Variants in POLE observed in about 807,000 individuals in gnomAD.
POLE encodes DNA polymerase epsilon, catalytic subunit.
In POLE, 188 loss-of-function variants were observed where a neutral mutation model predicts 279.2. The observed-to-expected ratio is 0.67, with a 90% CI of 0.60 to 0.76. The LOEUF is 0.76. POLE is among the 30% of genes least tolerant of loss of function. The probability of loss-of-function intolerance (pLI) is 0.00; values close to 1 mark genes in which losing one functional copy is unlikely to be tolerated. For missense variants in POLE, 2,703 were observed against 3,016.7 expected (o/e 0.90, Z 2.44); for synonymous variants, 1,214 against 1,172.5 (o/e 1.04, Z -0.72).
At chr12:132,658,018 C>G (rs375696926) in intron 26 of POLE, 48 bp from the exon 27 acceptor site, 1 of 1,164,646 alleles carries the variant, frequency 8.6e-7, no homozygotes, top group Non-Finnish European at 1.3e-6. Flanking sequence ...GAAAATCACC[C>G]AAAATCTGAT....
In POLE at chr12:132,643,985, G is replaced by C. The variant is rs760355462; in HGVS notation, c.4150-8C>G. The C allele has an allele frequency of 6.2e-7, 1 of 1,610,906 alleles. No individual in the cohort carries two copies. The highest frequency in any genetic ancestry group is 8.5e-7 in the Non-Finnish European group (1 of 1,177,352). Reference sequence around the variant, plus strand: ...AGGAAGGACCCGATTTACCTGGCGAGAATACGACGATGATCTCGTCACTGG... The same window carrying C: ...AGGAAGGACCCGATTTACCTGGCGACAATACGACGATGATCTCGTCACTGG... On this transcript the variant is annotated splice_region_variant and splice_polypyrimidine_tract_variant and intron_variant, in intron 32 of 48. Coordinates refer to ENST00000320574, the MANE Select transcript of POLE (RefSeq NM_006231.4).
rs5744780 is a variant in POLE at position 132,672,553 on chromosome 12, T to A, written c.1686+74A>T. ...CAGGATGGGGAGAAGGGGCTTTATTTCAGCCCCTGCAGCTTCTGGGTCCTA... is the reference window on the plus strand; with the variant it reads ...CAGGATGGGGAGAAGGGGCTTTATTACAGCCCCTGCAGCTTCTGGGTCCTA... On this transcript the variant is annotated intron_variant, in intron 15 of 48. Transcript: ENST00000320574. 0.46 allele frequency: 671,862 copies of A among 1,461,826 alleles called. 157,632 individuals are homozygous for A. The highest frequency in any genetic ancestry group is 0.7 in the East Asian group (30,658 of 43,954). 90.6% of individuals were successfully genotyped at this position (1,461,826 alleles called of 1,614,324 possible).
At chr12:132,641,527 G>C in intron 39 of POLE, 120 bp downstream of exon 39, 2 of 802,038 alleles carry the variant, frequency 2.5e-6, no homozygotes, top group Admixed American at 4.5e-5. Flanking sequence ...GTGGTCTCTG[G>C]CTCTGCCATT....
chr12:132,624,762 C>T lies in POLE; in HGVS notation c.6796G>A (p.Gly2266Ser), dbSNP rs200911338. 21 of 1,613,842 alleles carry T rather than the reference C, an allele frequency of 1.3e-5. No individual in the cohort carries two copies. Among genetic ancestry groups the T allele is most frequent in the African/African-American group, 2.7e-5 (2 of 75,038 alleles). The change falls in exon 49 of 49, where the codon GGC becomes AGC. Residue 2266 changes from glycine (G) to serine (S), a missense_variant. Physicochemically the swap from Gly to Ser is moderately conservative, Grantham distance 56 (BLOSUM62 0). Transcript: ENST00000320574. ...GIFRNIAQHY[G>S]MSYLLETLEW... ...AGGGTCTCCAGGAGGTACGACATGC[C>T]GTAGTGCTGGGCAATGTTCCGGAAT...
At chr12:132,666,941 G>A (rs746944801) in intron 20 of POLE, among the ~76,000 whole-genome samples, 33 of 152,154 alleles carry the variant, frequency 2.2e-4, no homozygotes, top group Non-Finnish European at 3.4e-4. Flanking sequence ...CCAGGGGGCC[G>A]CACAGCAGGG....
chr12:132,634,016 T>C lies in POLE; in HGVS notation c.6004+170A>G. 1.6e-6 allele frequency: 1 copy of C among 634,084 alleles called. No homozygotes were observed. Among genetic ancestry groups the C allele is most frequent in the Non-Finnish European group, 2.8e-6 (1 of 362,368 alleles). 39.3% of individuals were successfully genotyped at this position (634,084 alleles called of 1,614,324 possible). On this transcript the variant is annotated intron_variant, in intron 43 of 48. Coordinates refer to ENST00000320574, the MANE Select transcript of POLE (RefSeq NM_006231.4). The surrounding 1 kb of genome is among the most constrained non-coding windows in gnomAD (Gnocchi z 4.0). ...TCCGGGCCCTCCAGTGGAACATGCC[T>C]GGAGCCTGGAGAGGAGGCCCCTCGG...
chr12:132,674,095 C>T (rs1019335071), intron 12 of POLE, among the ~76,000 whole-genome samples: 10 of 152,156 alleles, frequency 6.6e-5, no homozygotes, highest in African/African-American at 1.4e-4. Context: ...CCCTTCAGCA[C>T]GGAAACACTC....
At position 132,657,392 on chromosome 12, in the gene POLE, C is replaced by T. The variant is rs2138659619; in HGVS notation, c.3416G>A (p.Ser1139Asn). ...DWDYYIERLG[S>N]AIQKIITIPA... ...GATGGTGATGATCTTCTGGATGGCG[C>T]TTCCCAGCCGCTCAATGTAGTAGTC... The change falls in exon 28 of 49, where the codon AGC becomes AAC. Residue 1139 changes from serine (S) to asparagine (N), a missense_variant. Around this residue, in one of 5 missense-constraint regions of POLE, gnomAD observed 1,551 missense variants for 1,686.1 expected, o/e 0.92. Transcript: ENST00000320574. The T allele has an allele frequency of 6.2e-7, 1 of 1,614,164 alleles. No individual in the cohort carries two copies. Among genetic ancestry groups the T allele is most frequent in the Non-Finnish European group, 8.5e-7 (1 of 1,180,036 alleles).
rs747929590 is a variant in POLE at position 132,668,855 on chromosome 12, C to T, written c.1879G>A (p.Val627Met). 1 of 1,614,128 alleles carries T rather than the reference C, an allele frequency of 6.2e-7. No individual in the cohort carries two copies. The highest frequency in any genetic ancestry group is 8.5e-7 in the Non-Finnish European group (1 of 1,179,992). ...IECPLIYHLDVGAMYPNIILT... is the reference protein window; with the variant it reads ...IECPLIYHLDMGAMYPNIILT... Reference sequence around the variant, plus strand: ...ATGATGTTGGGGTACATGGCCCCCACGTCCAGGTGGTAGATGAGTGGACAC... The same window carrying T: ...ATGATGTTGGGGTACATGGCCCCCATGTCCAGGTGGTAGATGAGTGGACAC... Residue 627 changes from valine to methionine, a missense_variant, in exon 17 of 49, where the codon GTG (valine) becomes ATG (methionine). Around this residue, in one of 5 missense-constraint regions of POLE, gnomAD observed 1,011 missense variants for 1,111.7 expected, o/e 0.91. Transcript: ENST00000320574. This position sits in a 1 kb window ranked among gnomAD's most constrained non-coding sequence, Gnocchi z 4.0.
At position 132,658,881 on chromosome 12, in the gene POLE, C is replaced by CAAAAAAAAAAAAA. The variant is rs1167117347; in HGVS notation, c.3275+401_3275+413dup. Among the ~76,000 whole-genome samples the CAAAAAAAAAAAAA allele has an allele frequency of 4.9e-3, 166 of 33,834 alleles. 41 individuals are homozygous for CAAAAAAAAAAAAA. The highest frequency in any genetic ancestry group is 5.8e-3 in the African/African-American group (57 of 9,778). The allele number at this position is 33,834 out of a possible 152,430, so 22.2% of individuals were successfully genotyped here. A position where few individuals can be genotyped will look rare whatever the true frequency, so the allele number is the denominator to read the frequency against. Reference sequence around the variant, plus strand: ...ACTGGTCCTATTTGTATATAACCACCAAAAAAAAAAAAAAAAAAAAAAAAA... The same window carrying CAAAAAAAAAAAAA: ...ACTGGTCCTATTTGTATATAACCACCAAAAAAAAAAAAAAAAAAAAAAAAAAAAAAAAAAAAAA... On this transcript the variant is annotated intron_variant, in intron 26 of 48. Transcript: ENST00000320574.
intron 29 of POLE, among the ~76,000 whole-genome samples, chr12:132,656,931 C>T (rs1383672825): frequency 6.6e-6 from 1 of 152,234 alleles, no homozygotes; most frequent in Non-Finnish European, 1.5e-5. Context: ...CTTGCCCTCA[C>T]CTCAGCCTCA....
At chr12:132,637,903 A>T in intron 41 of POLE, 111 bp downstream of exon 41, 1 of 1,231,656 alleles carries the variant, frequency 8.1e-7, no homozygotes, top group Non-Finnish European at 1.2e-6. Context: ...TGAGTCCTGC[A>T]CTTCTAACGA....
At position 132,661,473 on chromosome 12, in the gene POLE, T is replaced by G. The variant is rs1361524913; in HGVS notation, c.2864+54A>C. On this transcript the variant is annotated intron_variant, in intron 24 of 48. Transcript: ENST00000320574. This position sits in a 1 kb window ranked among gnomAD's most constrained non-coding sequence, Gnocchi z 4.1. The stretch of plus-strand genomic sequence containing the variant: ...TCCAACCTCCTTTCTGGGCTAAATT[T>G]AATCTATCTCAATCCATGTCCTTTC... 4.4e-6 allele frequency: 7 copies of G among 1,577,790 alleles called. No homozygotes were observed. In the East Asian group the frequency reaches 1.6e-4, roughly 35 times the overall value.
At chr12:132,643,030 G>GC in intron 35 of POLE, 34 bp from the exon 36 acceptor site, 1 of 1,559,732 alleles carries the variant, frequency 6.4e-7, no homozygotes, top group Non-Finnish European at 8.6e-7. Flanking sequence ...GCCTCCCCCT[G>GC]CGCAGGAGGA....
rs10526281 is a variant in POLE, at chr12:132,639,952, AAAAACAAAACAAAACAAAACAAAAC to A, written c.5379-679_5379-655del. Among the ~76,000 whole-genome samples, 7 of 148,684 alleles carry A rather than the reference AAAAACAAAACAAAACAAAACAAAAC, an allele frequency of 4.7e-5. No homozygotes were observed. Among genetic ancestry groups the A allele is most frequent in the East Asian group, 2.0e-4 (1 of 4,972 alleles). On this transcript the variant is annotated intron_variant, in intron 39 of 48. Coordinates refer to ENST00000320574, the MANE Select transcript of POLE (RefSeq NM_006231.4). The surrounding 1 kb of genome is among the most constrained non-coding windows in gnomAD (Gnocchi z 4.7). ...ACAGAGTGAGACTGTCTCAAAAAAC[AAAAACAAAACAAAACAAAACAAAAC>A]AAAACAAAACAAAACAAAACATCAC...
chr12:132,629,156 C>T (rs957212109), intron 45 of POLE, among the ~76,000 whole-genome samples: 13 of 152,254 alleles, frequency 8.5e-5, no homozygotes, highest in East Asian at 3.8e-4. Flanking sequence ...TCTCCTTGTA[C>T]GTCTCCATCA....
rs753367995 is a variant in POLE, at chr12:132,665,406, C to T, written c.2364G>A (p.Ala788=). Residue 788 remains alanine (A), a synonymous_variant, in exon 21 of 49, where the codon GCG becomes GCA. Coordinates refer to ENST00000320574, the MANE Select transcript of POLE (RefSeq NM_006231.4). ...TGTTCTTGCAGCGCTTCACCTCAGC[C>T]GCGTCGCCCACCTCCACGGCCGCCG... ...KLSAAVEVGD[A]AEVKRCKNME... is the part of the protein sequence containing the mutation. 8.7e-6 allele frequency: 14 copies of T among 1,613,288 alleles called. No individual in the cohort carries two copies. Among genetic ancestry groups the T allele is most frequent in the South Asian group, 2.2e-5 (2 of 91,078 alleles).
chr12:132,658,085 A>T (rs2042587116), intron 26 of POLE, 115 bp from the exon 27 acceptor site: 7 of 709,890 alleles, frequency 9.9e-6, no homozygotes, highest in Non-Finnish European at 1.8e-5. Flanking sequence ...GTTCACAAAC[A>T]TCAATGTATA....
At position 132,641,675 on chromosome 12, in the gene POLE, C is replaced by G; in HGVS notation, c.5350G>C (p.Glu1784Gln). Residue 1784 changes from glutamate (E) to glutamine (Q), a missense_variant, in exon 39 of 49, where the codon GAG becomes CAG. Physicochemically the swap from Glu to Gln is conservative, Grantham distance 29. Coordinates refer to ENST00000320574, the MANE Select transcript of POLE (RefSeq NM_006231.4). ...AAGGTGTTAGAGCACAGGGCTGTCTCATCGTAGCTGGCCGGGGCACTGGCA... is the reference window on the plus strand; with the variant it reads ...AAGGTGTTAGAGCACAGGGCTGTCTGATCGTAGCTGGCCGGGGCACTGGCA... Reference protein sequence around the residue: ...QAASAPASYDETALCSNTFRI... With the variant: ...QAASAPASYDQTALCSNTFRI... 6 of 1,614,080 alleles carry G rather than the reference C, an allele frequency of 3.7e-6. No individual in the cohort carries two copies. The highest frequency in any genetic ancestry group is 5.1e-6 in the Non-Finnish European group (6 of 1,180,016).
Sources: allele counts gnomAD v4.1 joint callset (sites outside exome capture counted in the v4.1 genomes callset), GRCh38; gene constraint gnomAD v4.1.1; regional missense constraint gnomAD v4.1.1; non-coding constraint Gnocchi (gnomAD v3.1); transcripts MANE v1.5; gene names NCBI Gene and HGNC (gene_info 2026-07-23, HGNC 2026-07-21).